Variants in TENM4 observed in about 807,000 individuals in gnomAD.
The protein encoded by TENM4 is teneurin transmembrane protein 4.
TENM4 carries 82 observed loss-of-function variants against 243.3 expected under a neutral mutation model. The observed-to-expected ratio is 0.34, with a 90% CI of 0.28 to 0.40. TENM4 has a LOEUF of 0.40. Among genes scored for constraint, TENM4 ranks in the 10% least tolerant of loss-of-function variants. The pLI, the probability that TENM4 is intolerant of heterozygous loss-of-function variation, is 1.00. For missense variants in TENM4, 3,138 were observed against 3,673.3 expected (o/e 0.85, Z 3.77); for synonymous variants, 1,412 against 1,456.3 (o/e 0.97, Z 0.69).
chr11:78,985,953 T>C (rs1386287089), intron 6 of TENM4, among the ~76,000 whole-genome samples: 1 of 152,240 alleles, frequency 6.6e-6, no homozygotes, highest in Non-Finnish European at 1.5e-5. Context: ...CAGGAGGCCC[T>C]ATGCATCTAA....
intron 6 of TENM4, among the ~76,000 whole-genome samples, chr11:78,967,641 G>A (rs955181395): frequency 6.6e-6 from 1 of 152,190 alleles, no homozygotes; most frequent in Non-Finnish European, 1.5e-5. Flanking sequence ...GTTCACGTGG[G>A]CAAATAAGGA....
At chr11:79,090,692 A>C (rs1285361215) in intron 4 of TENM4, among the ~76,000 whole-genome samples, 1 of 152,156 alleles carries the variant, frequency 6.6e-6, no homozygotes, top group Non-Finnish European at 1.5e-5. Context: ...TTTGGCACTT[A>C]AGAGGTAAGA....
intron 6 of TENM4, among the ~76,000 whole-genome samples, chr11:78,997,529 A>T (rs1372481028): frequency 6.6e-6 from 1 of 152,256 alleles, no homozygotes; most frequent in Admixed American, 6.5e-5. Flanking sequence ...TGCAAAGCAC[A>T]GTGCCTCTCA....
At position 79,174,034 on chromosome 11, in the gene TENM4, AT is replaced by A. The variant is rs1394183113; in HGVS notation, c.-162-25229del. ...CATCATTTATTCCAGGAGTTTAGAG[AT>A]TTTTCTATTGACATCACATAAAAAA... On this transcript the variant is annotated intron_variant, in intron 3 of 33. Transcript: ENST00000278550. Among the ~76,000 whole-genome samples the A allele has an allele frequency of 3.9e-5, 6 of 152,252 alleles. No individual in the cohort carries two copies. The East Asian group carries it at 1.2e-3, about 29-fold the overall frequency.
intron 4 of TENM4, among the ~76,000 whole-genome samples, chr11:79,094,442 G>A (rs1296355380): frequency 5.3e-5 from 8 of 152,152 alleles, no homozygotes; most frequent in African/African-American, 1.9e-4. Flanking sequence ...GATATGGATC[G>A]AGATCTGACT....
At chr11:78,959,164 A>C (rs1857266393) in intron 6 of TENM4, among the ~76,000 whole-genome samples, 1 of 152,174 alleles carries the variant, frequency 6.6e-6, no homozygotes, top group Non-Finnish European at 1.5e-5. Flanking sequence ...TTCAATGAGC[A>C]CTAAATTAAA....
At chr11:79,124,811 A>G (rs867513384) in intron 4 of TENM4, among the ~76,000 whole-genome samples, 9 of 144,486 alleles carry the variant, frequency 6.2e-5, no homozygotes, top group Non-Finnish European at 1.3e-4. Flanking sequence ...ATGTATGTGT[A>G]TATATATGTA....
intron 12 of TENM4, among the ~76,000 whole-genome samples, chr11:78,851,793 G>T (rs1323935674): frequency 1.3e-5 from 2 of 152,190 alleles, no homozygotes; most frequent in African/African-American, 4.8e-5. Flanking sequence ...GGCCTCTGAT[G>T]ACAGGGAACA....
chr11:79,230,288 G>A (rs1864350748), intron 2 of TENM4, among the ~76,000 whole-genome samples: 1 of 152,196 alleles, frequency 6.6e-6, no homozygotes, highest in African/African-American at 2.4e-5. Flanking sequence ...GTGGCTGGAA[G>A]AGACATACGG....
chr11:79,125,957 G>A (rs758667420), intron 4 of TENM4, among the ~76,000 whole-genome samples: 6 of 152,178 alleles, frequency 3.9e-5, no homozygotes, highest in Admixed American at 6.5e-5. Context: ...GAAATCTGGA[G>A]AACAGGCATG....
At chr11:78,736,479 T>TGTGTGTGTGCGC (rs796898751) in intron 20 of TENM4, among the ~76,000 whole-genome samples, 433 of 99,380 alleles carry the variant, frequency 4.4e-3, no homozygotes, top group African/African-American at 0.012. Flanking sequence ...TGTGTGTGTG[T>TGTGTGTGTGCGC]GCGCGCGCGT....
chr11:79,410,037 T>C (rs1858664979), intron 1 of TENM4, among the ~76,000 whole-genome samples: 1 of 152,066 alleles, frequency 6.6e-6, no homozygotes, highest in African/African-American at 2.4e-5. Flanking sequence ...TGATAGCTGA[T>C]GATCTAGAAA....
At chr11:79,168,394 C>A (rs1280235260) in intron 3 of TENM4, among the ~76,000 whole-genome samples, 1 of 152,050 alleles carries the variant, frequency 6.6e-6, no homozygotes, top group Non-Finnish European at 1.5e-5. Context: ...TGGGGGGATG[C>A]CAAACCAGTC....
Position 79,064,853 on chromosome 11 carries a change from C to T in TENM4, c.378G>A (p.Glu126=). ...DMEADTVLSP[E]HPVRLWGRST... ...TCCGGCCCCACAGACGCACGGGGTG[C>T]TCAGGGGACAGCACCGTGTCAGCCT... The change falls in exon 6 of 34, where the codon GAG becomes GAA. Residue 126 remains glutamate (E), a synonymous_variant. Coordinates refer to ENST00000278550, the MANE Select transcript of TENM4 (RefSeq NM_001098816.3). 6.4e-7 allele frequency: 1 copy of T among 1,551,414 alleles called. No individual in the cohort carries two copies. The highest frequency in any genetic ancestry group is 8.7e-7 in the Non-Finnish European group (1 of 1,146,966).
intron 6 of TENM4, among the ~76,000 whole-genome samples, chr11:79,029,625 C>T (rs1006323626): frequency 1.3e-5 from 2 of 152,294 alleles, no homozygotes. Context: ...TGATTTAGAA[C>T]TCCTCAAAAC....
intron 21 of TENM4, among the ~76,000 whole-genome samples, chr11:78,730,652 T>A (rs1324174215): frequency 6.6e-6 from 1 of 152,248 alleles, no homozygotes; most frequent in Non-Finnish European, 1.5e-5. Context: ...CTTTATCAGC[T>A]TGATGCGCTG....
intron 2 of TENM4, among the ~76,000 whole-genome samples, chr11:79,237,897 T>A (rs1319996187): frequency 6.6e-6 from 1 of 152,130 alleles, no homozygotes; most frequent in Non-Finnish European, 1.5e-5. Flanking sequence ...CCATACACAC[T>A]GTTAGTAACT....
At chr11:79,345,382 C>G (rs1455325958) in intron 1 of TENM4, among the ~76,000 whole-genome samples, 1 of 152,154 alleles carries the variant, frequency 6.6e-6, no homozygotes, top group Admixed American at 6.5e-5. Flanking sequence ...TCTCATTTTT[C>G]CATGCTACTA....
intron 6 of TENM4, among the ~76,000 whole-genome samples, chr11:79,040,063 C>G (rs1036034450): frequency 6.6e-5 from 10 of 151,484 alleles, no homozygotes; most frequent in African/African-American, 1.9e-4. Context: ...CTATAAAAAG[C>G]CACCAGCCAG....
Sources: allele counts gnomAD v4.1 joint callset (sites outside exome capture counted in the v4.1 genomes callset), GRCh38; gene constraint gnomAD v4.1.1; transcripts MANE v1.5; gene names NCBI Gene and HGNC (gene_info 2026-07-23, HGNC 2026-07-21).